Variants in KLHL1 observed in about 807,000 individuals in gnomAD.
KLHL1 encodes kelch-like protein 1.
In KLHL1, 47 loss-of-function variants were observed where a neutral mutation model predicts 77.7. The observed-to-expected ratio is 0.60, with a 90% CI of 0.48 to 0.77. KLHL1 has a LOEUF of 0.77. Among genes scored for constraint, KLHL1 ranks in the 30% least tolerant of loss-of-function variants. The pLI, the probability that KLHL1 is intolerant of heterozygous loss-of-function variation, is 0.00. For synonymous variants in KLHL1, 360 were observed against 325.2 expected, an observed-to-expected ratio of 1.11 and a Z score of -1.15; for missense variants, 925 against 910.8, an observed-to-expected ratio of 1.02 and a Z score of -0.20.
At chr13:69,779,170 G>A (rs1175475936) in intron 7 of KLHL1, among the ~76,000 whole-genome samples, 1 of 152,008 alleles carries the variant, frequency 6.6e-6, no homozygotes, top group Non-Finnish European at 1.5e-5. Context: ...TTCAATAAAT[G>A]TTTATTTGAA....
chr13:69,762,163 G>A (rs533890600), intron 7 of KLHL1, among the ~76,000 whole-genome samples: 1 of 152,226 alleles, frequency 6.6e-6, no homozygotes, highest in East Asian at 1.9e-4. Flanking sequence ...AGCAACAGAA[G>A]TACTTACTTC....
intron 5 of KLHL1, among the ~76,000 whole-genome samples, chr13:69,846,769 T>C (rs1879477412): frequency 6.6e-6 from 1 of 151,442 alleles, no homozygotes. Context: ...CATTAAAGCA[T>C]TGCTGAGTGT....
At chr13:69,704,679 A>T (rs970091224) in intron 10 of KLHL1, among the ~76,000 whole-genome samples, 1 of 151,794 alleles carries the variant, frequency 6.6e-6, no homozygotes, top group Non-Finnish European at 1.5e-5. Context: ...ACATAAGTAC[A>T]TTTTCAATGT....
At chr13:69,871,834 T>A (rs149955396) in intron 5 of KLHL1, among the ~76,000 whole-genome samples, 1 of 152,012 alleles carries the variant, frequency 6.6e-6, no homozygotes, top group Non-Finnish European at 1.5e-5. Context: ...TTCTTGTCTA[T>A]ATTTCTATCA....
At chr13:70,107,157 G>A (rs781499420) in intron 1 of KLHL1, 46 bp downstream of exon 1, 1 of 1,537,280 alleles carries the variant, frequency 6.5e-7, no homozygotes, top group Non-Finnish European at 8.8e-7. Flanking sequence ...GGTGAAATGA[G>A]TGGAAATTGA....
intron 5 of KLHL1, among the ~76,000 whole-genome samples, chr13:69,861,568 A>G (rs1880160152): frequency 6.6e-6 from 1 of 151,956 alleles, no homozygotes; most frequent in Non-Finnish European, 1.5e-5. Flanking sequence ...ATATATATAC[A>G]CACGCACATA....
chr13:69,994,038 T>C (rs904233984), intron 1 of KLHL1, among the ~76,000 whole-genome samples: 1 of 151,876 alleles, frequency 6.6e-6, no homozygotes, highest in Admixed American at 6.6e-5. Flanking sequence ...TAGATTGGGA[T>C]TGAGAATGTA....
chr13:69,764,929 CTTTTTTTTTTTTTTTTTTTTTTTTTTTT>C (rs71196263), intron 7 of KLHL1, among the ~76,000 whole-genome samples: 2 of 39,714 alleles, frequency 5.0e-5, no homozygotes, highest in East Asian at 1.3e-3. Flanking sequence ...TATATCTTTG[CTTTTTTTTTTTTTTTTTTTTTTTTTTTT>C]TTTTTTTTTT....
chr13:69,767,410 C>T (rs1293376267), intron 7 of KLHL1, among the ~76,000 whole-genome samples: 1 of 151,954 alleles, frequency 6.6e-6, no homozygotes, highest in Non-Finnish European at 1.5e-5. Context: ...TAAGAAATAT[C>T]AGTTATCCAG....
intron 8 of KLHL1, among the ~76,000 whole-genome samples, chr13:69,735,058 G>C (rs1436258875): frequency 1.3e-5 from 2 of 152,032 alleles, no homozygotes; most frequent in African/African-American, 4.8e-5. Flanking sequence ...ATATGAGCAA[G>C]TAGGATTTAC....
chr13:69,996,344 A>G (rs1294138006), intron 1 of KLHL1, among the ~76,000 whole-genome samples: 1 of 152,040 alleles, frequency 6.6e-6, no homozygotes, highest in Non-Finnish European at 1.5e-5. Context: ...TTGAAATATT[A>G]AAGAGTAGAG....
intron 7 of KLHL1, among the ~76,000 whole-genome samples, chr13:69,745,427 A>G (rs9599504): frequency 0.24 from 36,040 of 151,796 alleles, 4,461 homozygotes; most frequent in South Asian, 0.32. Context: ...TGCATTACAG[A>G]TCTTTTTCCA....
chr13:69,749,442 C>T (rs775916546), intron 7 of KLHL1, among the ~76,000 whole-genome samples: 15 of 151,728 alleles, frequency 9.9e-5, no homozygotes, highest in Non-Finnish European at 8.8e-5. Context: ...GTACTTTTTC[C>T]AGTACATATA....
chr13:70,107,281 T>C lies in KLHL1; in HGVS notation c.419A>G (p.Glu140Gly), dbSNP rs1888086648. Residue 140 changes from glutamate (E) to glycine (G), a missense_variant, in exon 1 of 11, where the codon GAA becomes GGA. Physicochemically the swap from Glu to Gly is moderately conservative, Grantham distance 98 (BLOSUM62 -2). Transcript: ENST00000377844. Reference sequence around the variant, plus strand: ...GAGCTCTTGCAGAACCAGCCCTTTTTCGTGTGGTCCAGGAAAGTCCATGCC... The same window carrying C: ...GAGCTCTTGCAGAACCAGCCCTTTTCCGTGTGGTCCAGGAAAGTCCATGCC... ...VPGMDFPGPH[E>G]KGLVLQELKV... 6.2e-7 allele frequency: 1 copy of C among 1,614,026 alleles called. No homozygotes were observed. Among genetic ancestry groups the C allele is most frequent in the African/African-American group, 1.3e-5 (1 of 74,922 alleles).
At chr13:70,012,525 G>A (rs976201604) in intron 1 of KLHL1, among the ~76,000 whole-genome samples, 53 of 152,026 alleles carry the variant, frequency 3.5e-4, no homozygotes, top group Non-Finnish European at 8.8e-5. Flanking sequence ...TCTTTGAAGA[G>A]GGGGAGGGGG....
intron 2 of KLHL1, among the ~76,000 whole-genome samples, chr13:69,968,029 T>C (rs929966990): frequency 2.0e-5 from 3 of 152,120 alleles, no homozygotes; most frequent in South Asian, 4.1e-4. Context: ...CCATGCTATA[T>C]GTATATAAAA....
intron 1 of KLHL1, among the ~76,000 whole-genome samples, chr13:70,033,757 T>A (rs1886174760): frequency 6.6e-6 from 1 of 151,528 alleles, no homozygotes. Context: ...GCAGCTGGAA[T>A]TACAGGCACG....
intron 8 of KLHL1, among the ~76,000 whole-genome samples, chr13:69,731,808 CA>C (rs1873552723): frequency 6.6e-6 from 1 of 151,358 alleles, no homozygotes; most frequent in Non-Finnish European, 1.5e-5. Flanking sequence ...ATTTTGAGAG[CA>C]AATAAATGTA....
intron 1 of KLHL1, among the ~76,000 whole-genome samples, chr13:69,978,317 GCTT>G (rs1272789368): frequency 6.6e-6 from 1 of 151,454 alleles, no homozygotes; most frequent in African/African-American, 2.4e-5. Context: ...AAACCCTGAT[GCTT>G]CTTCTGCTTG....
Sources: gnomAD v4.1 joint callset for allele counts (sites outside exome capture counted in the v4.1 genomes callset) on GRCh38, gnomAD v4.1.1 for gene constraint, MANE v1.5 for transcripts, NCBI Gene and HGNC (gene_info 2026-07-23, HGNC 2026-07-21) for gene names.